Variants in PNPLA1 observed in about 807,000 individuals in gnomAD.
PNPLA1 encodes patatin like domain 1, omega-hydroxyceramide transacylase, also known as omega-hydroxyceramide transacylase.
In PNPLA1, 36 loss-of-function variants were observed where a neutral mutation model predicts 51.7. The ratio of observed to expected loss-of-function variants is 0.70; its 90% CI spans 0.53 to 0.92. The LOEUF is 0.92. Among genes scored for constraint, PNPLA1 ranks in the 40% least tolerant of loss-of-function variants. The pLI is 0.00. For missense variants in PNPLA1, 658 were observed against 682.5 expected, an observed-to-expected ratio of 0.96 and a Z score of 0.40; for synonymous variants, 293 against 280.1, an observed-to-expected ratio of 1.05 and a Z score of -0.46.
chr6:36,245,043 G>A (rs183442248), intron 1 of PNPLA1, among the ~76,000 whole-genome samples: 164 of 152,336 alleles, frequency 1.1e-3, no homozygotes, highest in Non-Finnish European at 1.9e-3. Flanking sequence ...GGGACATCTC[G>A]AAGCGGGGCC....
At chr6:36,248,192 G>A (rs547681632) in intron 1 of PNPLA1, among the ~76,000 whole-genome samples, 1 of 152,220 alleles carries the variant, frequency 6.6e-6, no homozygotes, top group South Asian at 2.1e-4. Context: ...GAGGAAGGGA[G>A]GTGATTTAAA....
intron 6 of PNPLA1, among the ~76,000 whole-genome samples, chr6:36,303,093 T>C (rs535852803): frequency 6.6e-6 from 1 of 150,986 alleles, no homozygotes; most frequent in Admixed American, 6.6e-5. Flanking sequence ...TGTTATAGAC[T>C]ACAAAGAAAT....
intron 1 of PNPLA1, among the ~76,000 whole-genome samples, chr6:36,271,109 A>T (rs545089835): frequency 6.0e-4 from 92 of 152,226 alleles, no homozygotes; most frequent in Non-Finnish European, 1.0e-3. Context: ...CCTGATGGGG[A>T]CGTATTGTCC....
At chr6:36,299,180 A>G (rs1010453435) in intron 5 of PNPLA1, among the ~76,000 whole-genome samples, 12 of 152,166 alleles carry the variant, frequency 7.9e-5, no homozygotes, top group African/African-American at 2.4e-4. Flanking sequence ...ATCCTATTCA[A>G]TTATTTTGGA....
intron 1 of PNPLA1, among the ~76,000 whole-genome samples, chr6:36,254,809 G>A (rs924317994): frequency 1.7e-4 from 26 of 152,046 alleles, no homozygotes; most frequent in Non-Finnish European, 2.4e-4. Context: ...CTGCTTGTGT[G>A]ACCTGGATTA....
At chr6:36,247,846 T>G (rs761111472) in intron 1 of PNPLA1, among the ~76,000 whole-genome samples, 76 of 152,360 alleles carry the variant, frequency 5.0e-4, no homozygotes, top group Non-Finnish European at 4.9e-4. Context: ...TGTTGCTTCC[T>G]GCAGTCTTGG....
intron 1 of PNPLA1, among the ~76,000 whole-genome samples, chr6:36,258,460 C>T (rs1262889301): frequency 6.6e-6 from 1 of 152,208 alleles, no homozygotes; most frequent in Admixed American, 6.5e-5. Context: ...CAAGTATTGT[C>T]TCCCCTCCAA....
At chr6:36,265,630 C>T (rs142455112), upstream of PNPLA1, among the ~76,000 whole-genome samples, 47 of 152,260 alleles carry the variant, frequency 3.1e-4, no homozygotes, top group African/African-American at 1.1e-3. Context: ...TATTTAAGAG[C>T]TCTTGCACTG....
In PNPLA1 at chr6:36,294,385, C is replaced by T. The variant is rs1457212883; in HGVS notation, c.700C>T (p.Pro234Ser). ...NIARMTHALFPPDLVILHDYY... is the reference protein window; with the variant it reads ...NIARMTHALFSPDLVILHDYY... Reference sequence around the variant, plus strand: ...CGCCAGGATGACCCACGCATTGTTCCCCCCGGACCTGGTGGTGAGAGGCAG... The same window carrying T: ...CGCCAGGATGACCCACGCATTGTTCTCCCCGGACCTGGTGGTGAGAGGCAG... The change falls in exon 4 of 9, where the codon CCC (proline) becomes TCC (serine). Residue 234 changes from proline (P) to serine (S), a missense_variant. By Grantham distance (74) the Pro-to-Ser change is moderately conservative. Coordinates refer to ENST00000636260, the MANE Select transcript of PNPLA1 (RefSeq NM_001374623.1). The surrounding 1 kb of genome is among the most constrained non-coding windows in gnomAD (Gnocchi z 4.2). The T allele has an allele frequency of 1.2e-6, 2 of 1,614,002 alleles. No individual in the cohort carries two copies. The highest frequency in any genetic ancestry group is 1.7e-6 in the Non-Finnish European group (2 of 1,179,952).
rs190928761 is a variant in PNPLA1, at chr6:36,312,581, C to T, written c.*695C>T. On this transcript the variant is annotated 3_prime_UTR_variant, in exon 9 of 9. Coordinates refer to ENST00000636260, the MANE Select transcript of PNPLA1 (RefSeq NM_001374623.1). ...GGAAGCTGTGAGCCGAGAGAGAGAA[C>T]GGGAGCTGGAACGGGAGAGAACCTG... Among the ~76,000 whole-genome samples, 25 of 152,238 alleles carry T rather than the reference C, an allele frequency of 1.6e-4. 1 individual carries two copies. The East Asian group carries it at 4.4e-3, about 27-fold the overall frequency.
chr6:36,272,942 G>A (rs994819244), intron 1 of PNPLA1, among the ~76,000 whole-genome samples: 9 of 152,236 alleles, frequency 5.9e-5, no homozygotes, highest in East Asian at 5.8e-4. Context: ...CAAACAGTGC[G>A]AAAGTGTATA....
chr6:36,303,170 C>T (rs758677847), intron 6 of PNPLA1, among the ~76,000 whole-genome samples: 2 of 152,184 alleles, frequency 1.3e-5, no homozygotes, highest in African/African-American at 4.8e-5. Flanking sequence ...TCTTGGCTCA[C>T]TGCCAGTTCT....
intron 1 of PNPLA1, among the ~76,000 whole-genome samples, chr6:36,247,590 A>G (rs1327950886): frequency 6.6e-6 from 1 of 152,208 alleles, no homozygotes; most frequent in Non-Finnish European, 1.5e-5. Context: ...GTGTGGAGAA[A>G]GATCTGAGAG....
In PNPLA1 at chr6:36,313,008, T is replaced by A. The variant is rs1237058937; in HGVS notation, c.*1122T>A. On this transcript the variant is annotated 3_prime_UTR_variant, in exon 9 of 9. Coordinates refer to ENST00000636260, the MANE Select transcript of PNPLA1 (RefSeq NM_001374623.1). ...GTTCTGGTTGTTTGGTTTTTAATTC[T>A]TACAGTGTACTAACGGCTTGGCCTG... Among the ~76,000 whole-genome samples the A allele has an allele frequency of 6.6e-6, 1 of 152,198 alleles. No individual in the cohort carries two copies. The highest frequency in any genetic ancestry group is 2.4e-5 in the African/African-American group (1 of 41,442).
rs1217006849 is a variant in PNPLA1, at chr6:36,312,667, C to G, written c.*781C>G. Among the ~76,000 whole-genome samples, 1 of 152,148 alleles carries G rather than the reference C, an allele frequency of 6.6e-6. No individual in the cohort carries two copies. Among genetic ancestry groups the G allele is most frequent in the Non-Finnish European group, 1.5e-5 (1 of 68,032 alleles). Reference sequence around the variant, plus strand: ...CCGGCACACTCCCCTGACTCTGGGCCCTTTTGAGGACCAGGGGCAACACCT... The same window carrying G: ...CCGGCACACTCCCCTGACTCTGGGCGCTTTTGAGGACCAGGGGCAACACCT... On this transcript the variant is annotated 3_prime_UTR_variant, in exon 9 of 9. Transcript: ENST00000636260.
intron 1 of PNPLA1, among the ~76,000 whole-genome samples, chr6:36,253,724 C>T (rs761646650): frequency 5.9e-5 from 9 of 152,204 alleles, no homozygotes; most frequent in Non-Finnish European, 1.0e-4. Context: ...AATGATCCTC[C>T]TGCCTCGGCT....
intron 1 of PNPLA1, among the ~76,000 whole-genome samples, chr6:36,253,437 T>C (rs144094511): frequency 6.6e-6 from 1 of 152,288 alleles, no homozygotes; most frequent in East Asian, 1.9e-4. Context: ...AAGTCAAATA[T>C]CGAAAACAGT....
At chr6:36,249,859 C>G (rs1156475363) in intron 1 of PNPLA1, among the ~76,000 whole-genome samples, 1 of 152,112 alleles carries the variant, frequency 6.6e-6, no homozygotes, top group African/African-American at 2.4e-5. Context: ...CCTAAGGTTG[C>G]AAAGATAGAA....
chr6:36,302,414 TTCAGCCTTCCCTGC>T lies in PNPLA1; in HGVS notation c.1336_1349del (p.Phe446ThrfsTer45), dbSNP rs1449689392. 8 of 1,575,070 alleles carry T rather than the reference TTCAGCCTTCCCTGC, an allele frequency of 5.1e-6. No individual in the cohort carries two copies. The highest frequency in any genetic ancestry group is 6.9e-6 in the Non-Finnish European group (8 of 1,159,010). On this transcript the variant is annotated frameshift_variant, in exon 6 of 9. Transcript: ENST00000636260. LOFTEE classifies it high-confidence loss of function. ...CTCAAACACTGCCCCGAAGTTCTCT[TTCAGCCTTCCCTGC>T]TCAGCCACCTGTGGAGGAACTAGGC...
Sources: allele counts gnomAD v4.1 joint callset (sites outside exome capture counted in the v4.1 genomes callset), GRCh38; gene constraint gnomAD v4.1.1; non-coding constraint Gnocchi (gnomAD v3.1); transcripts MANE v1.5; gene names NCBI Gene and HGNC (gene_info 2026-07-23, HGNC 2026-07-21).